Variants in ARHGAP15 observed in about 807,000 individuals in gnomAD.
ARHGAP15 encodes Rho GTPase activating protein 15, also known as rho GTPase-activating protein 15.
A neutral mutation model predicts 63.7 loss-of-function variants in ARHGAP15; 51 were observed. The observed-to-expected ratio is 0.80, with a 90% CI of 0.64 to 1.01. ARHGAP15 has a LOEUF of 1.01. ARHGAP15 is among the 50% of genes least tolerant of loss of function. The pLI is 0.00. For synonymous variants in ARHGAP15, 191 were observed against 193.8 expected (o/e 0.99, Z 0.12); for missense variants, 560 against 564.6 (o/e 0.99, Z 0.08).
intron 6 of ARHGAP15, among the ~76,000 whole-genome samples, chr2:143,393,342 T>C (rs558534578): frequency 5.8e-4 from 88 of 152,272 alleles, no homozygotes; most frequent in African/African-American, 2.1e-3. Context: ...TTATTAATAT[T>C]ATTAAGAAGA....
rs559670504 is a variant in ARHGAP15 at position 143,595,504 on chromosome 2, G to C, written c.1004-28629G>C. Among the ~76,000 whole-genome samples, 5 of 152,226 alleles carry C rather than the reference G, an allele frequency of 3.3e-5. No homozygotes were observed. The East Asian group carries it at 9.6e-4, about 29-fold the overall frequency. On this transcript the variant is annotated intron_variant, in intron 11 of 13. Coordinates refer to ENST00000295095, the MANE Select transcript of ARHGAP15 (RefSeq NM_018460.4). Reference sequence around the variant, plus strand: ...TCTTCGCTTACACATTTGTCATTATGTATTGTAATTGTTGGTTTCTTCCTC... The same window carrying C: ...TCTTCGCTTACACATTTGTCATTATCTATTGTAATTGTTGGTTTCTTCCTC...
At chr2:143,218,890 C>T (rs574831419) in intron 4 of ARHGAP15, among the ~76,000 whole-genome samples, 134 of 152,208 alleles carry the variant, frequency 8.8e-4, no homozygotes, top group Middle Eastern at 3.4e-3. Context: ...AACATGGAAA[C>T]GATAATGCAT....
intron 13 of ARHGAP15, among the ~76,000 whole-genome samples, chr2:143,716,038 A>G (rs1684795441): frequency 6.6e-6 from 1 of 152,124 alleles, no homozygotes; most frequent in Non-Finnish European, 1.5e-5. Context: ...GGGAGGAAGG[A>G]GAGCATCAGG....
chr2:143,249,557 T>C (rs1680037746), intron 5 of ARHGAP15, among the ~76,000 whole-genome samples: 2 of 152,148 alleles, frequency 1.3e-5, no homozygotes, highest in Non-Finnish European at 1.5e-5. Context: ...GAGAAAAGTA[T>C]GGAATCTACA....
chr2:143,259,149 G>C (rs1319389802), intron 6 of ARHGAP15, among the ~76,000 whole-genome samples: 4 of 152,074 alleles, frequency 2.6e-5, no homozygotes, highest in African/African-American at 9.7e-5. Flanking sequence ...TTCATGGAAA[G>C]GGAGGTTACG....
intron 8 of ARHGAP15, among the ~76,000 whole-genome samples, chr2:143,438,164 C>G (rs575389160): frequency 6.6e-6 from 1 of 152,018 alleles, no homozygotes; most frequent in Non-Finnish European, 1.5e-5. Flanking sequence ...TTCCCTCTGA[C>G]AAAATATCAG....
chr2:143,467,045 C>T (rs1192830592), intron 8 of ARHGAP15, among the ~76,000 whole-genome samples: 3 of 152,040 alleles, frequency 2.0e-5, no homozygotes, highest in African/African-American at 4.8e-5. Context: ...TTTTCAGCAT[C>T]TCTTCGAAAA....
intron 12 of ARHGAP15, among the ~76,000 whole-genome samples, chr2:143,675,092 C>G (rs531061824): frequency 1.3e-5 from 2 of 152,202 alleles, no homozygotes; most frequent in Non-Finnish European, 2.9e-5. Context: ...ATGTAATATT[C>G]TAAATCATTT....
intron 13 of ARHGAP15, among the ~76,000 whole-genome samples, chr2:143,744,137 G>C (rs1481166657): frequency 6.6e-6 from 1 of 152,192 alleles, no homozygotes. Flanking sequence ...AATCCAGCTT[G>C]CAAAGAAGCA....
At chr2:143,202,307 G>T in intron 3 of ARHGAP15, 105 bp downstream of exon 3, 1 of 945,524 alleles carries the variant, frequency 1.1e-6, no homozygotes, top group Middle Eastern at 2.1e-4. Flanking sequence ...TTTTCTGTGG[G>T]TCAGGAATCA....
intron 6 of ARHGAP15, among the ~76,000 whole-genome samples, chr2:143,310,652 GTTAT>G (rs1203982624): frequency 1.3e-5 from 2 of 151,920 alleles, no homozygotes; most frequent in Non-Finnish European, 2.9e-5. Flanking sequence ...TGTTAACACA[GTTAT>G]TTATATAAAA....
chr2:143,725,619 C>T (rs1036160600), intron 13 of ARHGAP15, among the ~76,000 whole-genome samples: 8 of 152,204 alleles, frequency 5.3e-5, no homozygotes, highest in African/African-American at 1.9e-4. Context: ...ATGAATAATG[C>T]CTTAGACATA....
At chr2:143,372,339 G>A (rs1686597695) in intron 6 of ARHGAP15, among the ~76,000 whole-genome samples, 1 of 124,724 alleles carries the variant, frequency 8.0e-6, no homozygotes, top group Non-Finnish European at 1.6e-5. Context: ...ATAAAATGGA[G>A]TAGTCGATTT....
chr2:143,449,249 A>G lies in ARHGAP15; in HGVS notation c.703+12207A>G, dbSNP rs547067429. ...ATGATTCTGAGCCTAAACTACCCTC[A>G]CCAAAACAGACAAACAAGAAACCAA... On this transcript the variant is annotated intron_variant, in intron 8 of 13. Transcript: ENST00000295095. 1.8e-3 allele frequency among the ~76,000 whole-genome samples: 273 copies of G among 152,154 alleles called. 2 individuals are homozygous for G. Among genetic ancestry groups the G allele is most frequent in the Non-Finnish European group, 3.3e-3 (225 of 67,968 alleles).
intron 6 of ARHGAP15, among the ~76,000 whole-genome samples, chr2:143,418,775 T>C (rs553719631): frequency 2.6e-5 from 4 of 152,194 alleles, no homozygotes; most frequent in South Asian, 2.1e-4. Flanking sequence ...GGGGTTTTTT[T>C]CCCAATAAAT....
intron 10 of ARHGAP15, among the ~76,000 whole-genome samples, chr2:143,552,948 A>G (rs1322497175): frequency 6.6e-6 from 1 of 152,208 alleles, no homozygotes; most frequent in Non-Finnish European, 1.5e-5. Flanking sequence ...TACGACGTCT[A>G]ATTATATTTC....
chr2:143,375,545 A>G (rs1356757662), intron 6 of ARHGAP15, among the ~76,000 whole-genome samples: 1 of 152,190 alleles, frequency 6.6e-6, no homozygotes, highest in Non-Finnish European at 1.5e-5. Flanking sequence ...CACTCAGCTC[A>G]CTAGGTGTTA....
intron 6 of ARHGAP15, among the ~76,000 whole-genome samples, chr2:143,409,332 TC>T (rs1383412777): frequency 6.6e-6 from 1 of 151,598 alleles, no homozygotes; most frequent in African/African-American, 2.4e-5. Context: ...AATGAGAGAA[TC>T]TTTTTTTTTT....
chr2:143,299,021 T>A (rs1306288156), intron 6 of ARHGAP15, among the ~76,000 whole-genome samples: 1 of 151,978 alleles, frequency 6.6e-6, no homozygotes, highest in African/African-American at 2.4e-5. Context: ...TTTTTAACTT[T>A]GCTACAATGT....
Sources: allele counts gnomAD v4.1 joint callset (sites outside exome capture counted in the v4.1 genomes callset), GRCh38; gene constraint gnomAD v4.1.1; transcripts MANE v1.5; gene names NCBI Gene and HGNC (gene_info 2026-07-23, HGNC 2026-07-21).